The following ITPR1 variants were observed in gnomAD, a reference collection of about 807,000 sequenced individuals.
The protein encoded by ITPR1 is inositol 1,4,5-trisphosphate receptor type 1.
A neutral mutation model predicts 318.4 loss-of-function variants in ITPR1; 96 were observed. The observed-to-expected ratio is 0.30, with a 90% CI of 0.26 to 0.36. The LOEUF (loss-of-function observed/expected upper bound fraction) is 0.36, where lower values mean the gene tolerates loss of function less well. Among genes scored for constraint, ITPR1 ranks in the 10% least tolerant of loss-of-function variants. The probability of loss-of-function intolerance (pLI) is 1.00; values close to 1 mark genes in which losing one functional copy is unlikely to be tolerated. For synonymous variants in ITPR1, 1,312 were observed against 1,289.9 expected (o/e 1.02, Z -0.37); for missense variants, 2,440 against 3,460.2 (o/e 0.71, Z 7.40).
chr3:4,563,120 A>G (rs1280616326), intron 4 of ITPR1, among the ~76,000 whole-genome samples: 1 of 152,166 alleles, frequency 6.6e-6, no homozygotes, highest in Non-Finnish European at 1.5e-5. Context: ...TGATGTAGGT[A>G]CGTGCAGTGT....
intron 61 of ITPR1, among the ~76,000 whole-genome samples, chr3:4,842,587 C>T (rs992232292): frequency 6.6e-6 from 1 of 152,140 alleles, no homozygotes; most frequent in African/African-American, 2.4e-5. Flanking sequence ...AGGCCGGTCT[C>T]GAACTCCTGG....
At chr3:4,569,404 C>T (rs186707327) in intron 4 of ITPR1, among the ~76,000 whole-genome samples, 1 of 152,224 alleles carries the variant, frequency 6.6e-6, no homozygotes, top group East Asian at 1.9e-4. Context: ...AAACAAAGGA[C>T]ATTTTATGTT....
intron 11 of ITPR1, among the ~76,000 whole-genome samples, 191 bp from the exon 12 acceptor site, chr3:4,653,651 G>A (rs537568408): frequency 8.2e-4 from 124 of 152,112 alleles, no homozygotes; most frequent in Non-Finnish European, 1.5e-3. Context: ...GGTGACTGGT[G>A]GATGTTCCAT....
chr3:4,715,182 G>A (rs372643146), intron 39 of ITPR1, among the ~76,000 whole-genome samples: 3 of 152,196 alleles, frequency 2.0e-5, no homozygotes, highest in African/African-American at 4.8e-5. Flanking sequence ...CAGACAGTCC[G>A]ATCCTAGAGT....
At chr3:4,540,594 G>A (rs906150771) in intron 4 of ITPR1, among the ~76,000 whole-genome samples, 6 of 151,910 alleles carry the variant, frequency 3.9e-5, no homozygotes, top group South Asian at 4.2e-4. Context: ...GTGTGTGCAC[G>A]TGTGTGTGTT....
chr3:4,733,149 G>A lies in ITPR1; in HGVS notation c.5282G>A (p.Arg1761Gln), dbSNP rs2291864. ...TATGGAAACGTCAGACCTTCGGGACGAAGAGAGAGCCTTACCAGCTTTGGC... is the reference window on the plus strand; with the variant it reads ...TATGGAAACGTCAGACCTTCGGGACAAAGAGAGAGCCTTACCAGCTTTGGC... ...RYYGNVRPSGRRESLTSFGNG... is the reference protein window; with the variant it reads ...RYYGNVRPSGQRESLTSFGNG... Residue 1761 changes from arginine (R) to glutamine (Q), a missense_variant, in exon 43 of 62, where the codon CGA becomes CAA. Coordinates refer to ENST00000649015, the MANE Select transcript of ITPR1 (RefSeq NM_001378452.1). The A allele has an allele frequency of 1.8e-5, 29 of 1,613,974 alleles. No homozygotes were observed. In the East Asian group the frequency reaches 3.8e-4, roughly 21 times the overall value.
intron 60 of ITPR1, among the ~76,000 whole-genome samples, chr3:4,832,636 A>G (rs944142682): frequency 6.6e-6 from 1 of 152,230 alleles, no homozygotes; most frequent in Admixed American, 6.5e-5. Flanking sequence ...CTCCGTCTCA[A>G]AAAAATAAAT....
intron 13 of ITPR1, among the ~76,000 whole-genome samples, chr3:4,660,091 C>G (rs1358688669): frequency 6.6e-6 from 1 of 152,152 alleles, no homozygotes; most frequent in African/African-American, 2.4e-5. Context: ...CAGAGTTTTG[C>G]TTGATTACGC....
intron 4 of ITPR1, among the ~76,000 whole-genome samples, chr3:4,569,017 C>T (rs1279957494): frequency 2.0e-5 from 3 of 152,094 alleles, no homozygotes; most frequent in African/African-American, 7.2e-5. Context: ...CTTAAACGAC[C>T]AGATCTCTAG....
At chr3:4,560,416 G>A (rs2086559436) in intron 4 of ITPR1, among the ~76,000 whole-genome samples, 2 of 152,082 alleles carry the variant, frequency 1.3e-5, no homozygotes, top group African/African-American at 4.8e-5. Flanking sequence ...ATTTTGTAGA[G>A]TTTTTAATGC....
chr3:4,555,017 T>C (rs1002209584), intron 4 of ITPR1, among the ~76,000 whole-genome samples: 2 of 152,288 alleles, frequency 1.3e-5, no homozygotes, highest in East Asian at 3.9e-4. Flanking sequence ...GGGATGGAAC[T>C]GTACCCGCGG....
chr3:4,580,228 C>G (rs935973241), intron 4 of ITPR1, among the ~76,000 whole-genome samples: 1 of 151,974 alleles, frequency 6.6e-6, no homozygotes, highest in African/African-American at 2.4e-5. Context: ...ACCAAAAAAC[C>G]TTTATTATTA....
At chr3:4,512,456 T>C (rs946877390) in intron 2 of ITPR1, among the ~76,000 whole-genome samples, 7 of 152,236 alleles carry the variant, frequency 4.6e-5, no homozygotes, top group Non-Finnish European at 8.8e-5. Context: ...GCTCTGTGGC[T>C]GGCAGTTGAG....
At chr3:4,698,509 G>A (rs1312269751) in intron 34 of ITPR1, among the ~76,000 whole-genome samples, 2 of 152,066 alleles carry the variant, frequency 1.3e-5, no homozygotes, top group Admixed American at 6.6e-5. Flanking sequence ...GGACCAGATC[G>A]TAAATATGTT....
intron 4 of ITPR1, among the ~76,000 whole-genome samples, chr3:4,582,013 G>A (rs954287123): frequency 6.6e-6 from 1 of 151,890 alleles, no homozygotes; most frequent in African/African-American, 2.4e-5. Context: ...CAGAAGACAG[G>A]GTTGTTACGC....
rs559467183 is a variant in ITPR1, at chr3:4,829,715, C to T, written c.8029-7059C>T. Among the ~76,000 whole-genome samples the T allele has an allele frequency of 4.6e-5, 7 of 151,958 alleles. No individual in the cohort carries two copies. The East Asian group carries it at 1.4e-3, about 29-fold the overall frequency. On this transcript the variant is annotated intron_variant, in intron 60 of 61. Transcript: ENST00000649015. ...ATATTGGATACATTGATATTAATGTCCCTCCATCATTTGCTGCTTACTTTT... is the reference window on the plus strand; with the variant it reads ...ATATTGGATACATTGATATTAATGTTCCTCCATCATTTGCTGCTTACTTTT...
At chr3:4,560,280 A>G (rs1464651612) in intron 4 of ITPR1, among the ~76,000 whole-genome samples, 3 of 152,206 alleles carry the variant, frequency 2.0e-5, no homozygotes, top group African/African-American at 7.2e-5. Flanking sequence ...TTCACCAATA[A>G]AAAGCAAAGG....
chr3:4,527,589 T>C (rs930137515), intron 4 of ITPR1, among the ~76,000 whole-genome samples: 1 of 152,202 alleles, frequency 6.6e-6, no homozygotes, highest in African/African-American at 2.4e-5. Flanking sequence ...TGGGGCAGTA[T>C]AACCCAGTTT....
intron 15 of ITPR1, among the ~76,000 whole-genome samples, chr3:4,662,520 C>A (rs542040707): frequency 7.2e-5 from 11 of 152,184 alleles, no homozygotes; most frequent in Admixed American, 7.2e-4. Flanking sequence ...GTCAGCAGTT[C>A]GAGACCAGCC....
Sources: gnomAD v4.1 joint callset for allele counts (sites outside exome capture counted in the v4.1 genomes callset) on GRCh38, gnomAD v4.1.1 for gene constraint, MANE v1.5 for transcripts, NCBI Gene and HGNC (gene_info 2026-07-23, HGNC 2026-07-21) for gene names.